The following PNPLA6 variants were observed in gnomAD, a reference collection of about 807,000 sequenced individuals.
PNPLA6 encodes patatin-like phospholipase domain-containing protein 6.
A neutral mutation model predicts 153.7 loss-of-function variants in PNPLA6; 105 were observed. The observed-to-expected ratio is 0.68, with a 90% CI of 0.58 to 0.80. PNPLA6 has a LOEUF of 0.80. Among genes scored for constraint, PNPLA6 ranks in the 30% least tolerant of loss-of-function variants. PNPLA6 has a pLI of 0.00. For synonymous variants in PNPLA6, 825 were observed against 822.2 expected (o/e 1.00, Z -0.06); for missense variants, 1,423 against 1,919.3 (o/e 0.74, Z 4.83).
chr19:7,551,312 G>A (rs375833964), intron 17 of PNPLA6, 50 bp from the exon 18 acceptor site: 153 of 1,574,202 alleles, frequency 9.7e-5, no homozygotes, highest in Non-Finnish European at 1.3e-4. Flanking sequence ...GTGGGACCTG[G>A]ACAGCCGCTT....
In PNPLA6 at chr19:7,556,639, A is replaced by T. The variant is rs948743187; in HGVS notation, c.3211-16A>T. On this transcript the variant is annotated splice_polypyrimidine_tract_variant and intron_variant, in intron 25 of 31. Transcript: ENST00000600737. Reference sequence around the variant, plus strand: ...AGCCCCCTGCTCCTCCCCCACCTCGATCCCTGTCCCCGCAGGACCTGTGGC... The same window carrying T: ...AGCCCCCTGCTCCTCCCCCACCTCGTTCCCTGTCCCCGCAGGACCTGTGGC... 1 of 1,610,136 alleles carries T rather than the reference A, an allele frequency of 6.2e-7. No homozygotes were observed. Among genetic ancestry groups the T allele is most frequent in the Non-Finnish European group, 8.5e-7 (1 of 1,176,892 alleles).
chr19:7,547,495 C>T (rs1262926079), intron 13 of PNPLA6, among the ~76,000 whole-genome samples: 3 of 152,220 alleles, frequency 2.0e-5, no homozygotes, highest in African/African-American at 7.2e-5. Flanking sequence ...ATCTTTTGCC[C>T]ATTTTACTCT....
intron 28 of PNPLA6, among the ~76,000 whole-genome samples, chr19:7,560,325 A>T (rs2024047692): frequency 6.6e-6 from 1 of 152,002 alleles, no homozygotes; most frequent in East Asian, 1.9e-4. Context: ...GGGCTTGGGG[A>T]TGGCGACATC....
In PNPLA6 at chr19:7,542,644, G is replaced by C. The variant is rs573529919; in HGVS notation, c.1336G>C (p.Gly446Arg). 23 of 1,612,926 alleles carry C rather than the reference G, an allele frequency of 1.4e-5. No homozygotes were observed. The highest frequency in any genetic ancestry group is 1.7e-4 in the Middle Eastern group (1 of 6,060). The stretch of plus-strand genomic sequence containing the variant: ...CGTGTCCCTGCAGGAAGAGGCCTCC[G>C]GGGGGTCCCTGGCAGCCCCCGCTCG... ...ISVSLQEEAS[G>R]GSLAAPARTP... Residue 446 changes from glycine to arginine, a missense_variant, in exon 11 of 32, where the codon GGG becomes CGG. By Grantham distance (125) the Gly-to-Arg change is moderately radical. Transcript: ENST00000600737.
intron 18 of PNPLA6, 60 bp downstream of exon 18, chr19:7,551,497 G>A: frequency 2.2e-6 from 3 of 1,383,640 alleles, no homozygotes; most frequent in Non-Finnish European, 3.1e-6. Flanking sequence ...AGAGCATGCT[G>A]GGAGGGAAGC....
chr19:7,542,925 T>C lies in PNPLA6; in HGVS notation c.1527T>C (p.Ile509=). 1 of 1,613,712 alleles carries C rather than the reference T, an allele frequency of 6.2e-7. No individual in the cohort carries two copies. The change falls in exon 12 of 32, where the codon ATT becomes ATC. Residue 509 remains isoleucine, a synonymous_variant. Transcript: ENST00000600737. ...AGGAGCTGGCCAAGCTGATGCGGAT[T>C]GAGGTGGGCAGCCGAGGGGAGCTGG... ...AKQELAKLMR[I]EDPSLLNSRV...
At chr19:7,557,096 T>A in intron 26 of PNPLA6, 72 bp from the exon 27 acceptor site, 1 of 1,164,848 alleles carries the variant, frequency 8.6e-7, no homozygotes, top group Non-Finnish European at 1.3e-6. Flanking sequence ...AGCGAGCCCA[T>A]CGGGCCGGCT....
In PNPLA6 at chr19:7,555,183, A is replaced by G. The variant is rs538270330; in HGVS notation, c.2818-66A>G. 6.8e-5 allele frequency: 104 copies of G among 1,522,998 alleles called. No homozygotes were observed. In the African/African-American group the frequency reaches 1.4e-3, roughly 20 times the overall value. The allele number at this position is 1,522,998 out of a possible 1,614,324, so 94.3% of individuals were successfully genotyped here. ...TGAGGACAGGCTCGAAGGTCAGGGT[A>G]CCCCTGGGGGATCCGCCGGACCCCG... On this transcript the variant is annotated intron_variant, in intron 22 of 31. Coordinates refer to ENST00000600737, the MANE Select transcript of PNPLA6 (RefSeq NM_001166114.2). This position sits in a 1 kb window ranked among gnomAD's most constrained non-coding sequence, Gnocchi z 6.3.
rs532776939 is a variant in PNPLA6, at chr19:7,561,485, CAGG to C, written c.4030_4032del (p.Glu1344del). The C allele has an allele frequency of 1.7e-4, 278 of 1,604,592 alleles. 2 individuals carry two copies. The South Asian group carries it at 1.7e-3, about 10-fold the overall frequency. On this transcript the variant is annotated splice_acceptor_variant and coding_sequence_variant, in exon 32 of 32. Coordinates refer to ENST00000600737, the MANE Select transcript of PNPLA6 (RefSeq NM_001166114.2). LOFTEE classifies it high-confidence loss of function. Reference sequence around the variant, plus strand: ...GTGACGTGTGTGTGACCTTCCCTCGCAGGAGGAGGAGAAGTCGATTCTCCGGCA... The same window carrying C: ...GTGACGTGTGTGTGACCTTCCCTCGCAGGAGGAGAAGTCGATTCTCCGGCA...
At position 7,541,519 on chromosome 19, in the gene PNPLA6, C is replaced by CA. The variant is rs1326756125; in HGVS notation, c.1006-2dup. On this transcript the variant is annotated splice_polypyrimidine_tract_variant and splice_region_variant and intron_variant, in intron 8 of 31. Transcript: ENST00000600737. This position sits in a 1 kb window ranked among gnomAD's most constrained non-coding sequence, Gnocchi z 5.2. ...CAGGCCACAAGCTGTTCTCTGCCCC[C>CA]AGGAGATCCAGCCCCTGCGTCTGTT... The CA allele has an allele frequency of 1.7e-5, 27 of 1,609,680 alleles. No individual in the cohort carries two copies. The highest frequency in any genetic ancestry group is 2.3e-5 in the Non-Finnish European group (27 of 1,178,282).
At position 7,542,429 on chromosome 19, in the gene PNPLA6, T is replaced by C. The variant is rs566404435; in HGVS notation, c.1253-132T>C. The C allele has an allele frequency of 4.2e-5, 31 of 741,384 alleles. No homozygotes were observed. The African/African-American group carries it at 5.0e-4, about 12-fold the overall frequency. 45.9% of individuals were successfully genotyped at this position (741,384 alleles called of 1,614,324 possible). A position where few individuals can be genotyped will look rare whatever the true frequency, so the allele number is the denominator to read the frequency against. Reference sequence around the variant, plus strand: ...AGCTCACTGCAGCCTCGAACTCCTATGCTCAAGTGATCCTCCAGCCCCAGC... The same window carrying C: ...AGCTCACTGCAGCCTCGAACTCCTACGCTCAAGTGATCCTCCAGCCCCAGC... On this transcript the variant is annotated intron_variant, in intron 10 of 31. Coordinates refer to ENST00000600737, the MANE Select transcript of PNPLA6 (RefSeq NM_001166114.2).
rs527328776 is a variant in PNPLA6 at position 7,549,964 on chromosome 19, G to A, written c.1666G>A (p.Asp556Asn). Residue 556 changes from aspartate to asparagine, a missense_variant, in exon 14 of 32, where the codon GAC (aspartate) becomes AAC (asparagine). Coordinates refer to ENST00000600737, the MANE Select transcript of PNPLA6 (RefSeq NM_001166114.2). ...GCLHVYQRMI[D>N]KAEDVCLFVA... ...CCTGCACGTGTACCAGCGCATGATC[G>A]ACAAGGCGGAGGACGTGTGCCTGTT... is the stretch of plus-strand genomic sequence containing the variant. 8.1e-6 allele frequency: 13 copies of A among 1,613,882 alleles called. No homozygotes were observed. The Admixed American group carries it at 1.0e-4, about 12-fold the overall frequency.
At chr19:7,535,445 G>T, upstream of PNPLA6, 1 of 1,180,448 alleles carries the variant, frequency 8.5e-7, no homozygotes, top group Non-Finnish European at 1.2e-6. The surrounding 1 kb of genome is among the most constrained non-coding windows in gnomAD (Gnocchi z 5.0). Flanking sequence ...AGGGCTTGAG[G>T]CAGGGGAGAG....
chr19:7,554,808 C>A, intron 21 of PNPLA6, 85 bp downstream of exon 21: 2 of 1,583,156 alleles, frequency 1.3e-6, no homozygotes, highest in Non-Finnish European at 1.7e-6. Context: ...CGTGCACCCT[C>A]GCCATGGGGG....
chr19:7,536,950 A>AAAAAAAAG (rs1555743945), intron 3 of PNPLA6, among the ~76,000 whole-genome samples: 1 of 127,054 alleles, frequency 7.9e-6, no homozygotes, highest in African/African-American at 2.9e-5. Context: ...AAAAAAAAAA[A>AAAAAAAAG]AAGAAGAAGA....
rs770514706 is a variant in PNPLA6, at chr19:7,550,421, G to T, written c.1938G>T (p.Ala646=). The part of the protein sequence containing the change: ...IDWTAVEAGR[A]LYRQGDRSDC... Reference sequence around the variant, plus strand: ...GGACTGCAGTGGAGGCGGGACGCGCGCTGTACAGGTGCAGCTCCCACCGCG... The same window carrying T: ...GGACTGCAGTGGAGGCGGGACGCGCTCTGTACAGGTGCAGCTCCCACCGCG... The change falls in exon 15 of 32, where the codon GCG becomes GCT. Residue 646 remains alanine (A), a synonymous_variant. Coordinates refer to ENST00000600737, the MANE Select transcript of PNPLA6 (RefSeq NM_001166114.2). 1 of 1,611,236 alleles carries T rather than the reference G, an allele frequency of 6.2e-7. No homozygotes were observed.
At position 7,541,208 on chromosome 19, in the gene PNPLA6, C is replaced by T. The variant is rs1026422184; in HGVS notation, c.925-146C>T. 1 of 1,097,898 alleles carries T rather than the reference C, an allele frequency of 9.1e-7. No individual in the cohort carries two copies. The highest frequency in any genetic ancestry group is 2.0e-5 in the Admixed American group (1 of 50,228). 68.0% of individuals were successfully genotyped at this position (1,097,898 alleles called of 1,614,324 possible). A position where few individuals can be genotyped will look rare whatever the true frequency, so the allele number is the denominator to read the frequency against. On this transcript the variant is annotated intron_variant, in intron 7 of 31. Coordinates refer to ENST00000600737, the MANE Select transcript of PNPLA6 (RefSeq NM_001166114.2). The surrounding 1 kb of genome is among the most constrained non-coding windows in gnomAD (Gnocchi z 5.2). ...GATGTCTGCAGCCGCGGACTCCTCC[C>T]TTAGCTGCCTCGCCCCATTTCCCCA...
rs1599278605 is a variant in PNPLA6, at chr19:7,542,880, C to G, written c.1482C>G (p.Ser494Arg). The change falls in exon 12 of 32, where the codon AGC becomes AGG. Residue 494 changes from serine to arginine, a missense_variant. Around this residue, in one of 10 missense-constraint regions of PNPLA6, gnomAD observed 267 missense variants for 255.1 expected, o/e 1.05. Coordinates refer to ENST00000600737, the MANE Select transcript of PNPLA6 (RefSeq NM_001166114.2). ...CCTACCAGGGCCGCCAGACCAGCAGCATCTTCGAGGCAGCAAAGCAGGAGC... is the reference window on the plus strand; with the variant it reads ...CCTACCAGGGCCGCCAGACCAGCAGGATCTTCGAGGCAGCAAAGCAGGAGC... Reference protein sequence around the residue: ...FGPYQGRQTSSIFEAAKQELA... With the variant: ...FGPYQGRQTSRIFEAAKQELA... The G allele has an allele frequency of 1.2e-6, 2 of 1,613,418 alleles. No individual in the cohort carries two copies. The highest frequency in any genetic ancestry group is 4.5e-5 in the East Asian group (2 of 44,890).
At position 7,557,162 on chromosome 19, in the gene PNPLA6, G is replaced by A. The variant is rs766015469; in HGVS notation, c.3281-6G>A. On this transcript the variant is annotated splice_region_variant and splice_polypyrimidine_tract_variant and intron_variant, in intron 26 of 31. Transcript: ENST00000600737. ...CGTGTTTGTGTCTGTGTGTCCCACC[G>A]CGCAGGCTCCCTGTGGCGGTACGTG... The A allele has an allele frequency of 7.7e-5, 124 of 1,602,906 alleles. 2 individuals carry two copies. Among genetic ancestry groups the A allele is most frequent in the South Asian group, 4.5e-4 (41 of 90,834 alleles).
Sources: gnomAD v4.1 joint callset for allele counts (sites outside exome capture counted in the v4.1 genomes callset) on GRCh38, gnomAD v4.1.1 for gene constraint, gnomAD v4.1.1 regional missense constraint, Gnocchi (gnomAD v3.1) non-coding constraint, MANE v1.5 for transcripts, NCBI Gene and HGNC (gene_info 2026-07-23, HGNC 2026-07-21) for gene names.